The following USP6NL variants were observed in gnomAD, a reference collection of about 807,000 sequenced individuals.
The protein encoded by USP6NL is USP6 N-terminal-like protein.
USP6NL carries 26 observed loss-of-function variants against 61.9 expected under a neutral mutation model. The observed-to-expected ratio is 0.42, with a 90% confidence interval of 0.31 to 0.58. The LOEUF is 0.58. Ranked by LOEUF, USP6NL falls within the 20% of genes least tolerant of loss-of-function variation. USP6NL has a pLI of 0.16. For missense variants in USP6NL, 1,114 were observed against 1,034.3 expected (o/e 1.08, Z -1.06); for synonymous variants, 432 against 390.1 (o/e 1.11, Z -1.27).
rs59523552 is a variant in USP6NL, at chr10:11,510,291, C to G, written c.196-616G>C. 0.034 allele frequency among the ~76,000 whole-genome samples: 5,113 copies of G among 152,142 alleles called. 236 individuals are homozygous for G. Among genetic ancestry groups the G allele is most frequent in the African/African-American group, 0.1 (4,224 of 41,476 alleles). On this transcript the variant is annotated intron_variant, in intron 5 of 14. Transcript: ENST00000609104. The surrounding 1 kb of genome is among the most constrained non-coding windows in gnomAD (Gnocchi z 4.8). ...GAAGGGCCACGGCAGAAGGGGCAGT[C>G]AAATCCACCTAGGCATGCCAGAGAA...
At chr10:11,469,782 T>C (rs1322330560) in intron 14 of USP6NL, among the ~76,000 whole-genome samples, 1 of 152,214 alleles carries the variant, frequency 6.6e-6, no homozygotes, top group Non-Finnish European at 1.5e-5. Context: ...TGGGGTTTGC[T>C]TCACTTTAAA....
At chr10:11,556,521 A>T (rs1191104365) in intron 2 of USP6NL, among the ~76,000 whole-genome samples, 1 of 152,232 alleles carries the variant, frequency 6.6e-6, no homozygotes, top group Non-Finnish European at 1.5e-5. Context: ...TGCTATTTAG[A>T]AAAGAGAGAT....
chr10:11,464,805 A>G (rs1832379422), intron 14 of USP6NL, among the ~76,000 whole-genome samples: 1 of 152,238 alleles, frequency 6.6e-6, no homozygotes, highest in Non-Finnish European at 1.5e-5. Context: ...CAATTATTTC[A>G]ATTGGCAACC....
intron 1 of USP6NL, among the ~76,000 whole-genome samples, chr10:11,603,351 C>G (rs1838609159): frequency 6.6e-6 from 1 of 152,182 alleles, no homozygotes; most frequent in African/African-American, 2.4e-5. Flanking sequence ...GAGTCAGGGC[C>G]TTTTAAAAAT....
At position 11,520,792 on chromosome 10, in the gene USP6NL, C is replaced by T. The variant is rs1835174248; in HGVS notation, c.156-2218G>A. Among the ~76,000 whole-genome samples, 1 of 152,214 alleles carries T rather than the reference C, an allele frequency of 6.6e-6. No individual in the cohort carries two copies. Among genetic ancestry groups the T allele is most frequent in the South Asian group, 2.1e-4 (1 of 4,834 alleles). ...TCTGGTTGTTTTCATGCTGCAACAGCAGGGTTAAGCAGTTGTGACAAAGAC... is the reference window on the plus strand; with the variant it reads ...TCTGGTTGTTTTCATGCTGCAACAGTAGGGTTAAGCAGTTGTGACAAAGAC... On this transcript the variant is annotated intron_variant, in intron 4 of 14. Transcript: ENST00000609104. This position sits in a 1 kb window ranked among gnomAD's most constrained non-coding sequence, Gnocchi z 5.2.
rs1331062941 is a variant in USP6NL, at chr10:11,525,403, A to G, written c.138T>C (p.Asp46=). 1.9e-6 allele frequency: 3 copies of G among 1,602,120 alleles called. No homozygotes were observed. The highest frequency in any genetic ancestry group is 2.3e-5 in the South Asian group (2 of 87,814). The change falls in exon 4 of 15, where the codon GAT becomes GAC. Residue 46 remains aspartate (D), a synonymous_variant. Transcript: ENST00000609104. The surrounding 1 kb of genome is among the most constrained non-coding windows in gnomAD (Gnocchi z 5.0). ...DADYLVYKVT[D]RFGFLHEEEL... ...TGACTTACTGTAAAAAGCCAAATCT[A>G]TCTGTGACTTTGTAAACAAGGTAAT...
At chr10:11,523,632 A>T (rs1039185911) in intron 4 of USP6NL, among the ~76,000 whole-genome samples, 4 of 151,986 alleles carry the variant, frequency 2.6e-5, no homozygotes, top group African/African-American at 9.7e-5. Flanking sequence ...TTGCCAGTTT[A>T]AAAAAAAGTA....
Position 11,553,443 on chromosome 10 carries a change from C to A in USP6NL, c.5-25876G>T, listed in dbSNP as rs982034302. ...CCAGAAATAATATATAACTCACTTA[C>A]GAGACTACTCACTCAGGTGACCTGT... is the stretch of plus-strand genomic sequence containing the variant. On this transcript the variant is annotated intron_variant, in intron 2 of 14. Transcript: ENST00000609104. This position sits in a 1 kb window ranked among gnomAD's most constrained non-coding sequence, Gnocchi z 4.8. Among the ~76,000 whole-genome samples the A allele has an allele frequency of 1.3e-5, 2 of 152,162 alleles. No individual in the cohort carries two copies. Among genetic ancestry groups the A allele is most frequent in the South Asian group, 2.1e-4 (1 of 4,832 alleles).
chr10:11,507,711 A>T (rs1834517482), intron 6 of USP6NL, among the ~76,000 whole-genome samples: 2 of 152,244 alleles, frequency 1.3e-5, no homozygotes, highest in Admixed American at 1.3e-4. Flanking sequence ...GGTTTTCCCA[A>T]CTTTATTTAA....
At chr10:11,515,800 A>C (rs1834932401) in intron 5 of USP6NL, among the ~76,000 whole-genome samples, 2 of 152,234 alleles carry the variant, frequency 1.3e-5, no homozygotes, top group Non-Finnish European at 2.9e-5. Flanking sequence ...AGACCTCACC[A>C]GCAGAGGTCA....
intron 2 of USP6NL, among the ~76,000 whole-genome samples, chr10:11,552,339 T>G (rs1211977002): frequency 6.6e-6 from 1 of 152,254 alleles, no homozygotes; most frequent in African/African-American, 2.4e-5. Context: ...CTTCAGTGCA[T>G]GCCTCAAAAA....
intron 10 of USP6NL, among the ~76,000 whole-genome samples, chr10:11,486,747 C>T (rs918240985): frequency 5.9e-5 from 9 of 152,150 alleles, no homozygotes; most frequent in South Asian, 4.1e-4. Context: ...ATTCATGAGG[C>T]ATTTTAGCTT....
chr10:11,473,614 G>A (rs991202384), intron 14 of USP6NL, among the ~76,000 whole-genome samples: 4 of 152,136 alleles, frequency 2.6e-5, no homozygotes, highest in South Asian at 4.1e-4. Context: ...GCTGCAAGGC[G>A]CAGGGCCAGG....
chr10:11,463,077 G>A lies in USP6NL; in HGVS notation c.1851C>T (p.Ser617=), dbSNP rs1203166567. 2 of 1,613,910 alleles carry A rather than the reference G, an allele frequency of 1.2e-6. No individual in the cohort carries two copies. The highest frequency in any genetic ancestry group is 2.7e-5 in the African/African-American group (2 of 74,918). The change falls in exon 15 of 15, where the codon TCC becomes TCT. Residue 617 remains serine (S), a synonymous_variant. Transcript: ENST00000609104. The surrounding 1 kb of genome is among the most constrained non-coding windows in gnomAD (Gnocchi z 6.3). ...GCCCTCGGGCTTCCCCATCTAGCTG[G>A]GACGGATATCGTGCATGACTTGGAG... ...VQPPSHARYP[S]QLDGEARGLA...
rs1461933416 is a variant in USP6NL, at chr10:11,513,801, G to A, written c.196-4126C>T. On this transcript the variant is annotated intron_variant, in intron 5 of 14. Transcript: ENST00000609104. The surrounding 1 kb of genome is among the most constrained non-coding windows in gnomAD (Gnocchi z 4.7). ...ACTTGCCCCAAGACTGTTCTTTATA[G>A]CTGGTTTTTTCTGTGGTGTGGGCAA... is the stretch of plus-strand genomic sequence containing the variant. Among the ~76,000 whole-genome samples, 1 of 152,166 alleles carries A rather than the reference G, an allele frequency of 6.6e-6. No homozygotes were observed. The highest frequency in any genetic ancestry group is 1.5e-5 in the Non-Finnish European group (1 of 68,030).
intron 14 of USP6NL, among the ~76,000 whole-genome samples, chr10:11,467,735 G>A (rs535873827): frequency 9.3e-4 from 141 of 152,246 alleles, no homozygotes; most frequent in Middle Eastern, 6.8e-3. Context: ...AAAAATGACT[G>A]AAAGAAATAA....
intron 2 of USP6NL, among the ~76,000 whole-genome samples, chr10:11,570,438 T>C (rs1458923457): frequency 1.3e-5 from 2 of 152,220 alleles, no homozygotes; most frequent in Non-Finnish European, 2.9e-5. Flanking sequence ...CCAAAGCTCC[T>C]ATGTCTTAAA....
At chr10:11,504,146 C>G (rs769628362) in intron 6 of USP6NL, among the ~76,000 whole-genome samples, 2 of 152,106 alleles carry the variant, frequency 1.3e-5, no homozygotes, top group Non-Finnish European at 2.9e-5. Context: ...TTATAAGACC[C>G]TAAAATAAAA....
chr10:11,611,512 T>TA lies in USP6NL; in HGVS notation c.-154_-153insT. The TA allele has an allele frequency of 6.3e-6, 1 of 159,322 alleles. No individual in the cohort carries two copies. Among genetic ancestry groups the TA allele is most frequent in the Non-Finnish European group, 1.4e-5 (1 of 73,862 alleles). The allele number at this position is 159,322 out of a possible 1,614,324, so 9.9% of individuals were successfully genotyped here. ...TGGCGGTCCCGGGCGGCCGAGCAGA[T>TA]CCGGCGCGGCGCGGCGCGGCGGCGG... is the stretch of plus-strand genomic sequence containing the variant. On this transcript the variant is annotated 5_prime_UTR_variant, in exon 1 of 15. Transcript: ENST00000609104. The surrounding 1 kb of genome is among the most constrained non-coding windows in gnomAD (Gnocchi z 5.3).
Sources: allele counts gnomAD v4.1 joint callset (sites outside exome capture counted in the v4.1 genomes callset), GRCh38; gene constraint gnomAD v4.1.1; non-coding constraint Gnocchi (gnomAD v3.1); transcripts MANE v1.5; gene names NCBI Gene and HGNC (gene_info 2026-07-23, HGNC 2026-07-21).